Variants in SMIM35 observed in about 807,000 individuals in gnomAD.
SMIM35 encodes the protein TMPRSS4 antisense RNA 1 (non-protein coding).
intron 1 of SMIM35, among the ~76,000 whole-genome samples, chr11:118,084,284 T>C (rs1342319539): frequency 6.6e-6 from 1 of 152,176 alleles, no homozygotes; most frequent in African/African-American, 2.4e-5. Context: ...CTCTGTGCAC[T>C]GTAAAACACA....
chr11:118,056,384 A>T (rs1049555029), intron 1 of SMIM35, among the ~76,000 whole-genome samples: 1 of 152,026 alleles, frequency 6.6e-6, no homozygotes, highest in Admixed American at 6.5e-5. Flanking sequence ...TTAGGGAGAG[A>T]GGGGAGGCCT....
rs117059866 is a variant in SMIM35, at chr11:118,006,202, A to G, written c.*208T>C. Reference sequence around the variant, plus strand: ...GCTCCAGGGACACCCCGCACATGGTATGCTATAATATGCGAATGGCCGGAT... The same window carrying G: ...GCTCCAGGGACACCCCGCACATGGTGTGCTATAATATGCGAATGGCCGGAT... On this transcript the variant is annotated 3_prime_UTR_variant, in exon 5 of 5. Coordinates refer to ENST00000689828, the MANE Select transcript of SMIM35 (RefSeq NM_001394165.1). 6.6e-6 allele frequency: 1 copy of G among 152,376 alleles called. No homozygotes were observed. Among genetic ancestry groups the G allele is most frequent in the East Asian group, 1.9e-4 (1 of 5,194 alleles). The allele number at this position is 152,376 out of a possible 1,614,324, so 9.4% of individuals were successfully genotyped here.
intron 1 of SMIM35, among the ~76,000 whole-genome samples, chr11:118,040,231 A>G (rs186689637): frequency 3.8e-4 from 58 of 152,192 alleles, no homozygotes; most frequent in Admixed American, 1.3e-3. Context: ...AAAATAAGTA[A>G]ATAACCTCCA....
intron 1 of SMIM35, among the ~76,000 whole-genome samples, chr11:118,081,631 G>A (rs902083748): frequency 5.9e-5 from 9 of 152,214 alleles, no homozygotes; most frequent in South Asian, 2.1e-4. Flanking sequence ...TGGCAGTCGC[G>A]TCTCCTGTCA....
At chr11:118,050,230 T>C (rs141163167) in intron 1 of SMIM35, among the ~76,000 whole-genome samples, 1 of 152,294 alleles carries the variant, frequency 6.6e-6, no homozygotes, top group African/African-American at 2.4e-5. Context: ...CATGAAGTAA[T>C]GGAAGAGGAA....
At chr11:118,075,861 C>A (rs1031586858) in intron 1 of SMIM35, among the ~76,000 whole-genome samples, 4 of 152,216 alleles carry the variant, frequency 2.6e-5, no homozygotes, top group Admixed American at 2.0e-4. Context: ...ACAATGTGGA[C>A]AATTATCCAA....
chr11:118,049,967 A>T (rs945066887), intron 1 of SMIM35, among the ~76,000 whole-genome samples: 5 of 151,944 alleles, frequency 3.3e-5, no homozygotes, highest in African/African-American at 1.2e-4. Flanking sequence ...GCTGAAGTGG[A>T]GTCACTGGGG....
chr11:118,033,920 T>A (rs1192517916), intron 1 of SMIM35, among the ~76,000 whole-genome samples: 1 of 152,206 alleles, frequency 6.6e-6, no homozygotes, highest in Admixed American at 6.5e-5. Flanking sequence ...CCAGTTCATT[T>A]GTCTATGAAA....
chr11:118,012,817 C>T (rs1232135062), intron 4 of SMIM35, among the ~76,000 whole-genome samples: 3 of 152,162 alleles, frequency 2.0e-5, no homozygotes, highest in Non-Finnish European at 2.9e-5. Context: ...CTGGAATCAC[C>T]TCTGTATAAC....
intron 1 of SMIM35, among the ~76,000 whole-genome samples, chr11:118,045,241 T>A (rs1460469680): frequency 1.3e-5 from 2 of 152,100 alleles, no homozygotes; most frequent in African/African-American, 4.8e-5. Context: ...TTGTTGCTCA[T>A]CTGTTGCTCA....
intron 1 of SMIM35, among the ~76,000 whole-genome samples, chr11:118,084,106 T>A (rs1017004399): frequency 1.3e-5 from 2 of 152,188 alleles, no homozygotes; most frequent in Non-Finnish European, 2.9e-5. Flanking sequence ...ATGCTATGCA[T>A]ATCTGGGGCT....
intron 4 of SMIM35, among the ~76,000 whole-genome samples, chr11:118,008,744 TTCC>T (rs1408062722): frequency 1.3e-5 from 2 of 152,202 alleles, no homozygotes; most frequent in Non-Finnish European, 2.9e-5. Flanking sequence ...TCAACACAAT[TTCC>T]TGAGAAGTTC....
At position 118,077,893 on chromosome 11, in the gene SMIM35, A is replaced by G. The variant is rs1944787914; in HGVS notation, c.7+8858T>C. Among the ~76,000 whole-genome samples the G allele has an allele frequency of 4.6e-5, 7 of 151,940 alleles. No individual in the cohort carries two copies. The South Asian group carries it at 1.0e-3, about 23-fold the overall frequency. On this transcript the variant is annotated intron_variant, in intron 1 of 4. Transcript: ENST00000689828. ...CCAGGCGTGGTGGCAGGTGCCTGTA[A>G]TCCCAGCTACTTGGGAGGCTGAGGC...
At chr11:118,082,465 G>A (rs192058682) in intron 1 of SMIM35, among the ~76,000 whole-genome samples, 3 of 152,212 alleles carry the variant, frequency 2.0e-5, no homozygotes, top group Non-Finnish European at 2.9e-5. Flanking sequence ...GGAAGCTGAG[G>A]CATGAGAATC....
chr11:118,037,820 G>T (rs1943930193), intron 1 of SMIM35, among the ~76,000 whole-genome samples: 1 of 152,140 alleles, frequency 6.6e-6, no homozygotes, highest in Admixed American at 6.5e-5. Context: ...AGGAAGAATG[G>T]GTACTCTTTC....
chr11:118,069,790 G>A (rs1421240512), intron 1 of SMIM35, among the ~76,000 whole-genome samples: 2 of 152,162 alleles, frequency 1.3e-5, no homozygotes, highest in Admixed American at 6.5e-5. Flanking sequence ...GGCCAGGCGC[G>A]GTGGCTCGTG....
intron 1 of SMIM35, among the ~76,000 whole-genome samples, chr11:118,078,394 GC>G (rs1944861979): frequency 6.6e-6 from 1 of 152,164 alleles, no homozygotes; most frequent in Admixed American, 6.5e-5. Context: ...ACCTGCAGGG[GC>G]CCCTCGAGTG....
intron 1 of SMIM35, among the ~76,000 whole-genome samples, chr11:118,044,273 T>G (rs578189977): frequency 7.5e-5 from 11 of 147,374 alleles, no homozygotes; most frequent in African/African-American, 2.7e-4. Flanking sequence ...CTACTCATAT[T>G]CCAGAAACCA....
intron 4 of SMIM35, among the ~76,000 whole-genome samples, chr11:118,007,394 A>G (rs1302487825): frequency 6.6e-6 from 1 of 152,060 alleles, no homozygotes; most frequent in Non-Finnish European, 1.5e-5. Context: ...AGAATAGAAG[A>G]TGTAACTTCT....
Sources: allele counts gnomAD v4.1 joint callset (sites outside exome capture counted in the v4.1 genomes callset), GRCh38; gene constraint gnomAD v4.1.1; transcripts MANE v1.5; gene names NCBI Gene and HGNC (gene_info 2026-07-23, HGNC 2026-07-21).